The following CNTN1 variants were observed in gnomAD, a reference collection of about 807,000 sequenced individuals.
CNTN1 encodes contactin-1.
A neutral mutation model predicts 126.4 loss-of-function variants in CNTN1; 38 were observed. The ratio of observed to expected loss-of-function variants is 0.30; its 90% CI spans 0.23 to 0.39. The LOEUF (loss-of-function observed/expected upper bound fraction) is 0.39. Ranked by LOEUF, CNTN1 falls within the 10% of genes least tolerant of loss-of-function variation. The probability of loss-of-function intolerance (pLI) is 1.00; values close to 1 mark genes in which losing one functional copy is unlikely to be tolerated. For synonymous variants in CNTN1, 413 were observed against 422.6 expected (o/e 0.98, Z 0.28); for missense variants, 1,009 against 1,248.4 (o/e 0.81, Z 2.89).
intron 1 of CNTN1, among the ~76,000 whole-genome samples, chr12:40,713,567 G>A (rs2121176072): frequency 6.6e-6 from 1 of 151,578 alleles, no homozygotes; most frequent in East Asian, 1.9e-4. Flanking sequence ...TATTTATATA[G>A]AATGACATAA....
intron 1 of CNTN1, among the ~76,000 whole-genome samples, chr12:40,849,203 C>G (rs1381807370): frequency 6.6e-6 from 1 of 152,024 alleles, no homozygotes; most frequent in African/African-American, 2.4e-5. Flanking sequence ...TCATGAAGTA[C>G]AAGTGAAATA....
chr12:40,801,589 G>A (rs1339050545), intron 1 of CNTN1, among the ~76,000 whole-genome samples: 8 of 151,760 alleles, frequency 5.3e-5, no homozygotes, highest in African/African-American at 1.5e-4. Context: ...GAGAAACAGC[G>A]CTCCTGACAA....
chr12:40,813,050 T>TCCTCCTTCCTTCCTTC (rs1233595227), intron 1 of CNTN1, among the ~76,000 whole-genome samples: 20 of 131,980 alleles, frequency 1.5e-4, no homozygotes, highest in African/African-American at 4.6e-4. Flanking sequence ...TTTCTTTCTT[T>TCCTCCTTCCTTCCTTC]CTTTCTTTCT....
intron 1 of CNTN1, among the ~76,000 whole-genome samples, chr12:40,749,486 G>A (rs1201406671): frequency 6.6e-6 from 1 of 152,054 alleles, no homozygotes; most frequent in African/African-American, 2.4e-5. Context: ...GGGTAAATAA[G>A]AGCCAGAATA....
At chr12:41,058,931 T>C (rs575679650) in intron 23 of CNTN1, among the ~76,000 whole-genome samples, 2 of 152,200 alleles carry the variant, frequency 1.3e-5, no homozygotes, top group Non-Finnish European at 2.9e-5. Flanking sequence ...CAGCTTGTTA[T>C]GATCCTCTTA....
At chr12:40,883,656 T>A (rs1473077623) in intron 1 of CNTN1, among the ~76,000 whole-genome samples, 1 of 151,566 alleles carries the variant, frequency 6.6e-6, no homozygotes, top group Non-Finnish European at 1.5e-5. Context: ...TTCCATCCTG[T>A]AATAAGAAAG....
intron 1 of CNTN1, among the ~76,000 whole-genome samples, chr12:40,697,579 T>C (rs1224312612): frequency 2.6e-5 from 4 of 152,224 alleles, no homozygotes; most frequent in Non-Finnish European, 5.9e-5. Context: ...CAGTAGTGTC[T>C]CTTTGTAGCT....
At chr12:40,837,735 G>A (rs1942115840) in intron 1 of CNTN1, among the ~76,000 whole-genome samples, 1 of 152,188 alleles carries the variant, frequency 6.6e-6, no homozygotes, top group African/African-American at 2.4e-5. Flanking sequence ...AGGCTAAGAA[G>A]CAAGTGAGGT....
chr12:40,790,342 C>T (rs1476312817), intron 1 of CNTN1, among the ~76,000 whole-genome samples: 1 of 152,088 alleles, frequency 6.6e-6, no homozygotes, highest in Non-Finnish European at 1.5e-5. Flanking sequence ...AAGCCACATG[C>T]CCAACTTGAC....
chr12:40,986,152 C>T (rs1042277358), intron 16 of CNTN1, among the ~76,000 whole-genome samples: 2 of 152,124 alleles, frequency 1.3e-5, no homozygotes, highest in South Asian at 4.1e-4. Flanking sequence ...ACATACTTAA[C>T]ATAGTTATGC....
At chr12:40,721,010 T>G (rs1204568329) in intron 1 of CNTN1, among the ~76,000 whole-genome samples, 1 of 149,458 alleles carries the variant, frequency 6.7e-6, no homozygotes, top group Admixed American at 6.7e-5. Flanking sequence ...TATACATATA[T>G]GTAGTCAGAT....
chr12:41,027,244 G>A (rs973641474), intron 21 of CNTN1, among the ~76,000 whole-genome samples: 1 of 152,068 alleles, frequency 6.6e-6, no homozygotes, highest in Non-Finnish European at 1.5e-5. Flanking sequence ...AGAGATTAGG[G>A]CTAGAGACAG....
chr12:40,949,106 TA>T (rs1168087602), intron 14 of CNTN1, among the ~76,000 whole-genome samples: 2 of 152,010 alleles, frequency 1.3e-5, no homozygotes, highest in African/African-American at 4.8e-5. Context: ...AATATGTATT[TA>T]AAACTAGATC....
intron 9 of CNTN1, among the ~76,000 whole-genome samples, chr12:40,934,843 A>G (rs1946025139): frequency 6.6e-6 from 1 of 152,072 alleles, no homozygotes; most frequent in Non-Finnish European, 1.5e-5. Flanking sequence ...TGCTAAAGCT[A>G]ATGATCAATT....
intron 1 of CNTN1, among the ~76,000 whole-genome samples, chr12:40,746,691 C>G (rs1938198717): frequency 6.6e-6 from 1 of 151,978 alleles, no homozygotes; most frequent in South Asian, 2.1e-4. Context: ...TCTGCTAACA[C>G]TTGGGAGATG....
intron 16 of CNTN1, among the ~76,000 whole-genome samples, chr12:40,988,043 C>A (rs1948007376): frequency 1.3e-5 from 2 of 151,558 alleles, no homozygotes; most frequent in Non-Finnish European, 2.9e-5. Context: ...AGAGAAGGAT[C>A]AAGGATTCAC....
chr12:40,782,756 T>C (rs1939853421), intron 1 of CNTN1, among the ~76,000 whole-genome samples: 1 of 151,976 alleles, frequency 6.6e-6, no homozygotes, highest in Non-Finnish European at 1.5e-5. Flanking sequence ...TGAAAAATAA[T>C]GGGCTGCATT....
At chr12:40,714,949 G>C (rs889579558) in intron 1 of CNTN1, among the ~76,000 whole-genome samples, 1 of 152,100 alleles carries the variant, frequency 6.6e-6, no homozygotes, top group African/African-American at 2.4e-5. Flanking sequence ...TGGTCATTCT[G>C]CAGTGGATTG....
intron 1 of CNTN1, among the ~76,000 whole-genome samples, chr12:40,804,218 C>A (rs1194827602): frequency 6.6e-6 from 1 of 151,936 alleles, no homozygotes; most frequent in Non-Finnish European, 1.5e-5. Flanking sequence ...AAATTTCCAT[C>A]TATTCCTTTG....
Sources: gnomAD v4.1 joint callset for allele counts (sites outside exome capture counted in the v4.1 genomes callset) on GRCh38, gnomAD v4.1.1 for gene constraint, MANE v1.5 for transcripts, NCBI Gene and HGNC (gene_info 2026-07-23, HGNC 2026-07-21) for gene names.